Variants in GLIS3 observed in about 807,000 individuals in gnomAD.
GLIS3 encodes the protein zinc finger protein GLIS3.
A neutral mutation model predicts 78.6 loss-of-function variants in GLIS3; 53 were observed. The observed-to-expected ratio is 0.67, with a 90% CI of 0.54 to 0.85. The LOEUF is 0.85. GLIS3 is among the 40% of genes least tolerant of loss of function. GLIS3 has a pLI of 0.00. For missense variants in GLIS3, 1,703 were observed against 1,231.1 expected (o/e 1.38, Z -5.74); for synonymous variants, 684 against 509.9 (o/e 1.34, Z -4.60).
the GLIS3 span, among the ~76,000 whole-genome samples, chr9:4,397,179 C>A: frequency 7.1e-6 from 1 of 140,526 alleles, no homozygotes; most frequent in Non-Finnish European, 1.5e-5. Context: ...GTGCCCGCCA[C>A]TACGCCCGGC....
chr9:4,458,611 A>C, the GLIS3 span, among the ~76,000 whole-genome samples: 3 of 152,122 alleles, frequency 2.0e-5, no homozygotes, highest in African/African-American at 7.2e-5. Flanking sequence ...AACATAGTGA[A>C]ATCCCATCTC....
At chr9:4,425,168 C>G in the GLIS3 span, among the ~76,000 whole-genome samples, 1 of 152,150 alleles carries the variant, frequency 6.6e-6, no homozygotes, top group Non-Finnish European at 1.5e-5. Context: ...CAAAACAGCC[C>G]TTATTGCCCA....
chr9:4,132,828 A>C (rs964541696), intron 2 of GLIS3, among the ~76,000 whole-genome samples: 1 of 152,230 alleles, frequency 6.6e-6, no homozygotes, highest in African/African-American at 2.4e-5. Context: ...ACAGAAACAG[A>C]AATATACATA....
At chr9:4,218,653 G>A (rs1332764635) in intron 2 of GLIS3, among the ~76,000 whole-genome samples, 2 of 152,128 alleles carry the variant, frequency 1.3e-5, no homozygotes, top group African/African-American at 2.4e-5. Context: ...ATGTTCCTAT[G>A]GAGCACTTGA....
At chr9:3,972,767 T>C (rs1024183184) in intron 4 of GLIS3, among the ~76,000 whole-genome samples, 3 of 152,224 alleles carry the variant, frequency 2.0e-5, no homozygotes, top group African/African-American at 7.2e-5. Context: ...TAAGTTTATA[T>C]GTTTTAATTT....
At chr9:3,840,357 G>A (rs998708227) in intron 9 of GLIS3, among the ~76,000 whole-genome samples, 1 of 152,106 alleles carries the variant, frequency 6.6e-6, no homozygotes, top group East Asian at 1.9e-4. Flanking sequence ...TTGGCCATCA[G>A]TACCATCCAG....
the GLIS3 span, among the ~76,000 whole-genome samples, chr9:4,428,051 C>T: frequency 9.2e-5 from 14 of 151,582 alleles, no homozygotes; most frequent in Non-Finnish European, 1.9e-4. Context: ...TTTCCAGTGC[C>T]GGGAATAGCA....
intron 2 of GLIS3, among the ~76,000 whole-genome samples, chr9:4,249,834 G>A (rs1483410255): frequency 2.0e-5 from 3 of 152,182 alleles, no homozygotes; most frequent in Admixed American, 2.0e-4. Context: ...ATGAAGCTGT[G>A]TTGAATTTTA....
chr9:4,160,145 C>T (rs915130140), intron 2 of GLIS3, among the ~76,000 whole-genome samples: 1 of 152,132 alleles, frequency 6.6e-6, no homozygotes, highest in African/African-American at 2.4e-5. Flanking sequence ...TCAGTCCTTC[C>T]GAAATTGGTC....
chr9:3,995,538 TATAA>T (rs1044431161), intron 4 of GLIS3, among the ~76,000 whole-genome samples: 3 of 151,778 alleles, frequency 2.0e-5, no homozygotes, highest in Admixed American at 6.6e-5. Flanking sequence ...GATATATAAG[TATAA>T]ATAAATTTTT....
Position 4,030,960 on chromosome 9 carries a change from C to T in GLIS3, c.1710+86808G>A, listed in dbSNP as rs535431940. The stretch of plus-strand genomic sequence containing the variant: ...CAAATCAAAGCCACAATAAATAACA[C>T]AACCACCAGGATGGCTACCAAAAAA... On this transcript the variant is annotated intron_variant, in intron 4 of 10. Coordinates refer to ENST00000381971, the MANE Select transcript of GLIS3 (RefSeq NM_001042413.2). Among the ~76,000 whole-genome samples, 7 of 152,310 alleles carry T rather than the reference C, an allele frequency of 4.6e-5. No individual in the cohort carries two copies. In the South Asian group the frequency reaches 1.4e-3, roughly 32 times the overall value.
At chr9:4,469,987 G>C in the GLIS3 span, among the ~76,000 whole-genome samples, 1 of 150,714 alleles carries the variant, frequency 6.6e-6, no homozygotes, top group Admixed American at 6.6e-5. Context: ...ACTACCATCA[G>C]AGAACAGAAA....
chr9:4,474,613 A>G, the GLIS3 span, among the ~76,000 whole-genome samples: 1 of 152,082 alleles, frequency 6.6e-6, no homozygotes, highest in Non-Finnish European at 1.5e-5. Flanking sequence ...AACAAAACAT[A>G]TAATATCTTC....
intron 4 of GLIS3, among the ~76,000 whole-genome samples, chr9:3,969,923 T>A (rs1818257281): frequency 6.6e-6 from 1 of 152,230 alleles, no homozygotes; most frequent in African/African-American, 2.4e-5. Context: ...TTCTGTTATT[T>A]CCTGTTTCAG....
At chr9:4,362,260 C>CT in the GLIS3 span, among the ~76,000 whole-genome samples, 28 of 152,298 alleles carry the variant, frequency 1.8e-4, no homozygotes, top group African/African-American at 6.3e-4. Context: ...TTCTTTCCTT[C>CT]TTTCTTTTTA....
the GLIS3 span, among the ~76,000 whole-genome samples, chr9:4,432,128 C>T: frequency 2.0e-5 from 3 of 152,152 alleles, no homozygotes; most frequent in Non-Finnish European, 4.4e-5. Flanking sequence ...GGAAGAGGCA[C>T]ATCTGAAATG....
chr9:4,049,370 G>T (rs886610264), intron 4 of GLIS3, among the ~76,000 whole-genome samples: 4 of 152,118 alleles, frequency 2.6e-5, no homozygotes, highest in Non-Finnish European at 5.9e-5. Context: ...ATTGTTAAAG[G>T]ATAAAAGCCT....
chr9:4,455,229 A>G, the GLIS3 span, among the ~76,000 whole-genome samples: 1 of 152,266 alleles, frequency 6.6e-6, no homozygotes, highest in Non-Finnish European at 1.5e-5. Context: ...GGATTGATTT[A>G]TATTTAAATC....
intron 2 of GLIS3, among the ~76,000 whole-genome samples, chr9:4,185,916 G>A (rs910953557): frequency 1.3e-5 from 2 of 152,196 alleles, no homozygotes; most frequent in Non-Finnish European, 2.9e-5. Context: ...AGAGAGCGAG[G>A]TGGAAAATGG....
Sources: allele counts gnomAD v4.1 joint callset (sites outside exome capture counted in the v4.1 genomes callset), GRCh38; gene constraint gnomAD v4.1.1; transcripts MANE v1.5; gene names NCBI Gene and HGNC (gene_info 2026-07-23, HGNC 2026-07-21).